OR14K1: variants seen among roughly 807,000 people sequenced by gnomAD.
The protein encoded by OR14K1 is olfactory receptor 14K1.
For synonymous variants in OR14K1, 104 were observed against 70.0 expected (o/e 1.49, Z -2.42); for missense variants, 253 against 174.4 (o/e 1.45, Z -2.54).
chr1:247,738,811 T>C lies in OR14K1; in HGVS notation c.197T>C (p.Phe66Ser), dbSNP rs1451233918. The C allele has an allele frequency of 1.3e-6, 1 of 780,722 alleles. No individual in the cohort carries two copies. The highest frequency in any genetic ancestry group is 2.4e-6 in the Non-Finnish European group (1 of 417,978). The allele number at this position is 780,722 out of a possible 1,614,324, so 48.4% of individuals were successfully genotyped here. Residue 66 changes from phenylalanine to serine, a missense_variant, in exon 1 of 1, where the codon TTC (phenylalanine) becomes TCC (serine). Transcript: ENST00000283225. ...TACTTTTTCCTCCGACATTTGTCCT[T>C]CTTAGACCTGTGTCTCATTTCTGCC... ...AMYFFLRHLS[F>S]LDLCLISATV...
rs1660742661 is a variant in OR14K1, at chr1:247,738,946, G to T, written c.332G>T (p.Gly111Val). ...GTACTGCTGGCTGGATCAGAGATTG[G>T]CATCCTTACTGCCATGTCCTATGAC... is the stretch of plus-strand genomic sequence containing the variant. ...LVVLLAGSEIGILTAMSYDRY... is the reference protein window; with the variant it reads ...LVVLLAGSEIVILTAMSYDRY... Residue 111 changes from glycine (G) to valine (V), a missense_variant, in exon 1 of 1, where the codon GGC (glycine) becomes GTC (valine). Gly to Val is a moderately radical substitution (Grantham distance 109). Coordinates refer to ENST00000283225, the MANE Select transcript of OR14K1 (RefSeq NM_001004732.2). 1.3e-6 allele frequency: 1 copy of T among 780,430 alleles called. No individual in the cohort carries two copies. Among genetic ancestry groups the T allele is most frequent in the African/African-American group, 1.7e-5 (1 of 59,052 alleles). The allele number at this position is 780,430 out of a possible 1,614,324, so 48.3% of individuals were successfully genotyped here. A position where few individuals can be genotyped will look rare whatever the true frequency, so the allele number is the denominator to read the frequency against.
chr1:247,739,234 CA>C, the OR14K1 span: 1 of 780,834 alleles, frequency 1.3e-6, no homozygotes, highest in African/African-American at 1.7e-5. Context: ...TATGCATTTT[CA>C]TGTTTAGTTT....
chr1:247,739,558 G>A lies in OR14K1; in HGVS notation c.944G>A (p.Ter315=). Residue 315 remains the stop codon, a stop_retained_variant, in exon 1 of 1, where the codon TGA becomes TAA. Transcript: ENST00000283225. ...AGAAGCAGTGGGGTAATGAAAAGATGACTAAAGTTGAAGATGGGAAGTAAC... is the reference window on the plus strand; with the variant it reads ...AGAAGCAGTGGGGTAATGAAAAGATAACTAAAGTTGAAGATGGGAAGTAAC... ...NVRSSGVMKR[*] 1 of 768,160 alleles carries A rather than the reference G, an allele frequency of 1.3e-6. No homozygotes were observed. The allele number at this position is 768,160 out of a possible 1,614,324, so 47.6% of individuals were successfully genotyped here. A position where few individuals can be genotyped will look rare whatever the true frequency, so the allele number is the denominator to read the frequency against.
In OR14K1 at chr1:247,739,210, C is replaced by T. The variant is rs768091252; in HGVS notation, c.596C>T (p.Ala199Val). 3.8e-6 allele frequency: 3 copies of T among 780,824 alleles called. No homozygotes were observed. The highest frequency in any genetic ancestry group is 2.4e-6 in the Non-Finnish European group (1 of 417,976). The allele number at this position is 780,824 out of a possible 1,614,324, so 48.4% of individuals were successfully genotyped here. A position where few individuals can be genotyped will look rare whatever the true frequency, so the allele number is the denominator to read the frequency against. The part of the protein sequence containing the change: ...KEHAIISVSV[A>V]IGVCYAFSCL... ...CATGCCATCATTAGTGTCAGTGTGGCCATTGGGGTCTGTTATGCATTTTCA... is the reference window on the plus strand; with the variant it reads ...CATGCCATCATTAGTGTCAGTGTGGTCATTGGGGTCTGTTATGCATTTTCA... The change falls in exon 1 of 1, where the codon GCC becomes GTC. Residue 199 changes from alanine (A) to valine (V), a missense_variant. Physicochemically the swap from Ala to Val is moderately conservative, Grantham distance 64. Coordinates refer to ENST00000283225, the MANE Select transcript of OR14K1 (RefSeq NM_001004732.2).
At position 247,739,122 on chromosome 1, in the gene OR14K1, G is replaced by C. The variant is rs377540747; in HGVS notation, c.508G>C (p.Asp170His). ...GTFSLNFYGS[D>H]ELHQFFCDVP... The stretch of plus-strand genomic sequence containing the variant: ...ATTCTCTCTGAATTTTTATGGCTCT[G>C]ATGAGCTACATCAGTTCTTCTGCGA... Residue 170 changes from aspartate (D) to histidine (H), a missense_variant, in exon 1 of 1, where the codon GAT becomes CAT. By Grantham distance (81) the Asp-to-His change is moderately conservative. Transcript: ENST00000283225. The C allele has an allele frequency of 3.6e-5, 28 of 780,724 alleles. No individual in the cohort carries two copies. The highest frequency in any genetic ancestry group is 5.7e-5 in the Non-Finnish European group (24 of 417,972). 48.4% of individuals were successfully genotyped at this position (780,724 alleles called of 1,614,324 possible). A position where few individuals can be genotyped will look rare whatever the true frequency, so the allele number is the denominator to read the frequency against.
rs1461365591 is a variant in OR14K1 at position 247,738,728 on chromosome 1, G to T, written c.114G>T (p.Leu38=). 1.3e-5 allele frequency: 10 copies of T among 780,676 alleles called. No homozygotes were observed. The highest frequency in any genetic ancestry group is 2.4e-5 in the Non-Finnish European group (10 of 417,970). The allele number at this position is 780,676 out of a possible 1,614,324, so 48.4% of individuals were successfully genotyped here. ...LFSLIYLTAV[L]MNLVIILLMI... is the part of the protein sequence containing the mutation. ...CACTGATCTACCTCACGGCTGTGCT[G>T]ATGAATTTAGTCATCATTCTCCTCA... The change falls in exon 1 of 1, where the codon CTG becomes CTT. Residue 38 remains leucine (L), a synonymous_variant. Transcript: ENST00000283225.
Position 247,739,021 on chromosome 1 carries a change from G to A in OR14K1, c.407G>A (p.Arg136Lys), listed in dbSNP as rs781210237. Reference sequence around the variant, plus strand: ...CTACACTGTGAGGCTGTCATGAGCAGAGGGCTCTGTGTCCAGTTGATGGCT... The same window carrying A: ...CTACACTGTGAGGCTGTCATGAGCAAAGGGCTCTGTGTCCAGTTGATGGCT... ...CPLHCEAVMS[R>K]GLCVQLMALS... The change falls in exon 1 of 1, where the codon AGA (arginine) becomes AAA (lysine). Residue 136 changes from arginine to lysine, a missense_variant. Physicochemically the swap from Arg to Lys is conservative, Grantham distance 26 (BLOSUM62 2). Coordinates refer to ENST00000283225, the MANE Select transcript of OR14K1 (RefSeq NM_001004732.2). 1.3e-6 allele frequency: 1 copy of A among 780,708 alleles called. No individual in the cohort carries two copies. The highest frequency in any genetic ancestry group is 2.4e-6 in the Non-Finnish European group (1 of 417,962). The allele number at this position is 780,708 out of a possible 1,614,324, so 48.4% of individuals were successfully genotyped here. A position where few individuals can be genotyped will look rare whatever the true frequency, so the allele number is the denominator to read the frequency against.
the OR14K1 span, chr1:247,739,546 T>TA: frequency 1.3e-6 from 1 of 774,660 alleles, no homozygotes; most frequent in East Asian, 2.4e-5. Flanking sequence ...AGCAGTGGGG[T>TA]AATGAAAAGA....
chr1:247,739,101 T>A lies in OR14K1; in HGVS notation c.487T>A (p.Ser163Thr), dbSNP rs369412830. The A allele has an allele frequency of 3.8e-6, 3 of 780,780 alleles. No homozygotes were observed. In the African/African-American group the frequency reaches 5.1e-5, roughly 13 times the overall value. The allele number at this position is 780,780 out of a possible 1,614,324, so 48.4% of individuals were successfully genotyped here. A position where few individuals can be genotyped will look rare whatever the true frequency, so the allele number is the denominator to read the frequency against. The change falls in exon 1 of 1, where the codon TCT (serine) becomes ACT (threonine). Residue 163 changes from serine (S) to threonine (T), a missense_variant. Ser to Thr is a moderately conservative substitution (Grantham distance 58). Coordinates refer to ENST00000283225, the MANE Select transcript of OR14K1 (RefSeq NM_001004732.2). ...ACTCTTGTACACAGCTGGAACATTC[T>A]CTCTGAATTTTTATGGCTCTGATGA... The part of the protein sequence containing the change: ...LGLLYTAGTF[S>T]LNFYGSDELH...
Position 247,738,719 on chromosome 1 carries a change from G to A in OR14K1, c.105G>A (p.Thr35=), listed in dbSNP as rs560139926. The change falls in exon 1 of 1, where the codon ACG becomes ACA. Residue 35 remains threonine (T), a synonymous_variant. Coordinates refer to ENST00000283225, the MANE Select transcript of OR14K1 (RefSeq NM_001004732.2). ...HALLFSLIYL[T]AVLMNLVIIL... The stretch of plus-strand genomic sequence containing the variant: ...TGCTCTTCTCACTGATCTACCTCAC[G>A]GCTGTGCTGATGAATTTAGTCATCA... 3.5e-5 allele frequency: 27 copies of A among 780,726 alleles called. No individual in the cohort carries two copies. The East Asian group carries it at 5.8e-4, about 17-fold the overall frequency. 48.4% of individuals were successfully genotyped at this position (780,726 alleles called of 1,614,324 possible). A position where few individuals can be genotyped will look rare whatever the true frequency, so the allele number is the denominator to read the frequency against.
rs1358795382 is a variant in OR14K1 at position 247,738,802 on chromosome 1, A to G, written c.188A>G (p.His63Arg). 2 of 780,640 alleles carry G rather than the reference A, an allele frequency of 2.6e-6. No individual in the cohort carries two copies. Among genetic ancestry groups the G allele is most frequent in the Non-Finnish European group, 4.8e-6 (2 of 417,936 alleles). The allele number at this position is 780,640 out of a possible 1,614,324, so 48.4% of individuals were successfully genotyped here. The change falls in exon 1 of 1, where the codon CAT (histidine) becomes CGT (arginine). Residue 63 changes from histidine (H) to arginine (R), a missense_variant. Transcript: ENST00000283225. ...LHMAMYFFLR[H>R]LSFLDLCLIS... is the part of the protein sequence containing the mutation. ...ATGGCAATGTACTTTTTCCTCCGAC[A>G]TTTGTCCTTCTTAGACCTGTGTCTC...
Position 247,738,769 on chromosome 1 carries a change from G to A in OR14K1, c.155G>A (p.Arg52His), listed in dbSNP as rs542750150. 3.8e-6 allele frequency: 3 copies of A among 780,662 alleles called. No homozygotes were observed. Among genetic ancestry groups the A allele is most frequent in the East Asian group, 2.4e-5 (1 of 41,246 alleles). 48.4% of individuals were successfully genotyped at this position (780,662 alleles called of 1,614,324 possible). A position where few individuals can be genotyped will look rare whatever the true frequency, so the allele number is the denominator to read the frequency against. ...ATTCTCCTCATGATTCTGGACCATC[G>A]TCTCCACATGGCAATGTACTTTTTC... ...VIILLMILDH[R>H]LHMAMYFFLR... Residue 52 changes from arginine to histidine, a missense_variant, in exon 1 of 1, where the codon CGT becomes CAT. Physicochemically the swap from Arg to His is conservative, Grantham distance 29. Transcript: ENST00000283225.
In OR14K1 at chr1:247,739,536, A is replaced by C. The variant is rs185253000; in HGVS notation, c.922A>C (p.Ser308Arg). Residue 308 changes from serine (S) to arginine (R), a missense_variant, in exon 1 of 1, where the codon AGC becomes CGC. Transcript: ENST00000283225. ...GAGTAAAGTCCTGTGGAATGTTAGA[A>C]GCAGTGGGGTAATGAAAAGATGACT... ...ALSKVLWNVRSSGVMKR is the reference protein window; with the variant it reads ...ALSKVLWNVRRSGVMKR 6.4e-6 allele frequency: 5 copies of C among 778,108 alleles called. No homozygotes were observed. The East Asian group carries it at 9.7e-5, about 15-fold the overall frequency. 48.2% of individuals were successfully genotyped at this position (778,108 alleles called of 1,614,324 possible).
At position 247,738,929 on chromosome 1, in the gene OR14K1, G is replaced by A. The variant is rs1274804454; in HGVS notation, c.315G>A (p.Leu105=). ...CVLQLFLVVL[L]AGSEIGILTA... is the part of the protein sequence containing the mutation. ...TGCAGCTCTTCTTGGTGGTACTGCT[G>A]GCTGGATCAGAGATTGGCATCCTTA... The change falls in exon 1 of 1, where the codon CTG becomes CTA. Residue 105 remains leucine (L), a synonymous_variant. Transcript: ENST00000283225. 1 of 780,504 alleles carries A rather than the reference G, an allele frequency of 1.3e-6. No homozygotes were observed. The highest frequency in any genetic ancestry group is 1.7e-5 in the African/African-American group (1 of 59,076). 48.3% of individuals were successfully genotyped at this position (780,504 alleles called of 1,614,324 possible).
Position 247,738,757 on chromosome 1 carries a change from T to C in OR14K1, c.143T>C (p.Ile48Thr). ...LMNLVIILLM[I>T]LDHRLHMAMY... ...AATTTAGTCATCATTCTCCTCATGA[T>C]TCTGGACCATCGTCTCCACATGGCA... Residue 48 changes from isoleucine (I) to threonine (T), a missense_variant, in exon 1 of 1, where the codon ATT (isoleucine) becomes ACT (threonine). Coordinates refer to ENST00000283225, the MANE Select transcript of OR14K1 (RefSeq NM_001004732.2). The C allele has an allele frequency of 1.3e-6, 1 of 780,862 alleles. No homozygotes were observed. The highest frequency in any genetic ancestry group is 2.4e-6 in the Non-Finnish European group (1 of 417,968). 48.4% of individuals were successfully genotyped at this position (780,862 alleles called of 1,614,324 possible).
rs532891324 is a variant in OR14K1 at position 247,739,071 on chromosome 1, T to C, written c.457T>C (p.Leu153=). 2.6e-5 allele frequency: 20 copies of C among 780,824 alleles called. No homozygotes were observed. The highest frequency in any genetic ancestry group is 5.1e-5 in the African/African-American group (3 of 59,232). 48.4% of individuals were successfully genotyped at this position (780,824 alleles called of 1,614,324 possible). The change falls in exon 1 of 1, where the codon TTG becomes CTG. Residue 153 remains leucine (L), a synonymous_variant. Transcript: ENST00000283225. ...MALSWLNRGA[L]GLLYTAGTFS... Reference sequence around the variant, plus strand: ...TCTGTCCTGGCTCAACAGAGGGGCCTTGGGACTCTTGTACACAGCTGGAAC... The same window carrying C: ...TCTGTCCTGGCTCAACAGAGGGGCCCTGGGACTCTTGTACACAGCTGGAAC...
rs1253034205 is a variant in OR14K1, at chr1:247,739,413, A to G, written c.799A>G (p.Ile267Val). 2.6e-6 allele frequency: 2 copies of G among 780,620 alleles called. No homozygotes were observed. The highest frequency in any genetic ancestry group is 1.7e-5 in the Admixed American group (1 of 58,982). 48.4% of individuals were successfully genotyped at this position (780,620 alleles called of 1,614,324 possible). A position where few individuals can be genotyped will look rare whatever the true frequency, so the allele number is the denominator to read the frequency against. ...YLKPGSDAPSILDLLVSVFYS... is the reference protein window; with the variant it reads ...YLKPGSDAPSVLDLLVSVFYS... The stretch of plus-strand genomic sequence containing the variant: ...AAAGCCAGGGTCTGATGCACCTTCT[A>G]TTCTAGACTTGCTGGTGTCTGTGTT... The change falls in exon 1 of 1, where the codon ATT becomes GTT. Residue 267 changes from isoleucine (I) to valine (V), a missense_variant. Physicochemically the swap from Ile to Val is conservative, Grantham distance 29. Coordinates refer to ENST00000283225, the MANE Select transcript of OR14K1 (RefSeq NM_001004732.2).
At position 247,738,864 on chromosome 1, in the gene OR14K1, G is replaced by C. The variant is rs767192097; in HGVS notation, c.250G>C (p.Val84Leu). ...ATVPKSILNS[V>L]ASTDSISFLG... ...AGTCCCCAAATCCATCCTCAACTCT[G>C]TCGCCTCCACTGACTCCATCTCCTT... The change falls in exon 1 of 1, where the codon GTC (valine) becomes CTC (leucine). Residue 84 changes from valine (V) to leucine (L), a missense_variant. Physicochemically the swap from Val to Leu is conservative, Grantham distance 32 (BLOSUM62 1). Transcript: ENST00000283225. 1 of 780,550 alleles carries C rather than the reference G, an allele frequency of 1.3e-6. No homozygotes were observed. The highest frequency in any genetic ancestry group is 2.4e-5 in the East Asian group (1 of 41,226). The allele number at this position is 780,550 out of a possible 1,614,324, so 48.4% of individuals were successfully genotyped here.
Position 247,739,550 on chromosome 1 carries a change from G to T in OR14K1, c.936G>T (p.Met312Ile). ...GGAATGTTAGAAGCAGTGGGGTAAT[G>T]AAAAGATGACTAAAGTTGAAGATGG... ...VLWNVRSSGV[M>I]KR Residue 312 changes from methionine (M) to isoleucine (I), a missense_variant, in exon 1 of 1, where the codon ATG becomes ATT. Coordinates refer to ENST00000283225, the MANE Select transcript of OR14K1 (RefSeq NM_001004732.2). 1.3e-6 allele frequency: 1 copy of T among 773,156 alleles called. No homozygotes were observed. The highest frequency in any genetic ancestry group is 1.4e-5 in the South Asian group (1 of 72,782). The allele number at this position is 773,156 out of a possible 1,614,324, so 47.9% of individuals were successfully genotyped here.
Sources: gnomAD v4.1 joint callset for allele counts on GRCh38, gnomAD v4.1.1 for gene constraint, MANE v1.5 for transcripts, NCBI Gene and HGNC (gene_info 2026-07-23, HGNC 2026-07-21) for gene names.